Variants in PTPRD observed in about 807,000 individuals in gnomAD.
PTPRD encodes protein tyrosine phosphatase receptor type D, also known as receptor-type tyrosine-protein phosphatase delta.
A neutral mutation model predicts 214.5 loss-of-function variants in PTPRD; 34 were observed. That is an observed-to-expected ratio of 0.16 (90% CI 0.12 to 0.21). The LOEUF (loss-of-function observed/expected upper bound fraction) is 0.21, where lower values mean the gene tolerates loss of function less well. Ranked by LOEUF, PTPRD falls within the 10% of genes least tolerant of loss-of-function variation. The pLI, the probability that PTPRD is intolerant of heterozygous loss-of-function variation, is 1.00. For synonymous variants in PTPRD, 1,128 were observed against 845.7 expected, an observed-to-expected ratio of 1.33 and a Z score of -5.79; for missense variants, 2,545 against 2,398.7, an observed-to-expected ratio of 1.06 and a Z score of -1.27.
chr9:10,032,000 C>T (rs898743079), intron 4 of PTPRD, among the ~76,000 whole-genome samples: 2 of 152,076 alleles, frequency 1.3e-5, no homozygotes, highest in Non-Finnish European at 2.9e-5. Context: ...GCTGCCTAGT[C>T]TGGAATGTCT....
intron 3 of PTPRD, among the ~76,000 whole-genome samples, chr9:10,079,873 A>G (rs1194049031): frequency 6.6e-6 from 1 of 152,110 alleles, no homozygotes; most frequent in Non-Finnish European, 1.5e-5. Flanking sequence ...GTTTGCTATG[A>G]ATAATTGTCA....
chr9:10,243,281 T>C (rs1174644174), intron 3 of PTPRD, among the ~76,000 whole-genome samples: 5 of 152,030 alleles, frequency 3.3e-5, no homozygotes, highest in Non-Finnish European at 7.4e-5. Flanking sequence ...TTTGTAAGCA[T>C]TTGGCCACAG....
At chr9:9,548,674 A>G (rs911148705) in intron 8 of PTPRD, among the ~76,000 whole-genome samples, 2 of 147,142 alleles carry the variant, frequency 1.4e-5, no homozygotes, top group East Asian at 3.9e-4. Flanking sequence ...AAAGTATGAT[A>G]AAAAACGATG....
intron 3 of PTPRD, among the ~76,000 whole-genome samples, chr9:10,252,349 G>A (rs1040009533): frequency 6.6e-6 from 1 of 152,034 alleles, no homozygotes; most frequent in Non-Finnish European, 1.5e-5. Flanking sequence ...TCACCATGCT[G>A]TGAGTAATCA....
At chr9:10,136,639 G>A (rs2098946358) in intron 3 of PTPRD, among the ~76,000 whole-genome samples, 1 of 85,396 alleles carries the variant, frequency 1.2e-5, no homozygotes, top group African/African-American at 5.1e-5. Flanking sequence ...CATAGGCGTG[G>A]GCAAGGACTT....
chr9:10,431,985 C>T (rs568929814), intron 2 of PTPRD, among the ~76,000 whole-genome samples: 76 of 151,962 alleles, frequency 5.0e-4, no homozygotes, highest in African/African-American at 1.6e-3. Flanking sequence ...CACATGCACA[C>T]GTATGTTTAT....
At chr9:8,717,905 A>G (rs1428671270) in intron 12 of PTPRD, among the ~76,000 whole-genome samples, 5 of 152,220 alleles carry the variant, frequency 3.3e-5, no homozygotes, top group Non-Finnish European at 4.4e-5. Context: ...TCCTGTGCAT[A>G]TATCTACCTC....
intron 9 of PTPRD, among the ~76,000 whole-genome samples, chr9:9,251,516 C>T (rs542323770): frequency 8.5e-5 from 13 of 152,118 alleles, no homozygotes; most frequent in African/African-American, 2.9e-4. Flanking sequence ...TAAAAGCCGG[C>T]TCAAGGGTGT....
intron 11 of PTPRD, among the ~76,000 whole-genome samples, chr9:8,819,607 G>C (rs944955112): frequency 6.6e-6 from 1 of 152,146 alleles, no homozygotes; most frequent in African/African-American, 2.4e-5. Flanking sequence ...GTTGCAGTGA[G>C]CCAAGATTGA....
At chr9:8,660,698 G>A (rs757960290) in intron 12 of PTPRD, among the ~76,000 whole-genome samples, 6 of 152,054 alleles carry the variant, frequency 3.9e-5, no homozygotes, top group Non-Finnish European at 5.9e-5. Context: ...CTCTGCATTT[G>A]GTCCTGCTAA....
chr9:9,784,007 C>A (rs925233050), intron 5 of PTPRD, among the ~76,000 whole-genome samples: 1 of 151,880 alleles, frequency 6.6e-6, no homozygotes, highest in Non-Finnish European at 1.5e-5. Flanking sequence ...CATGATAAAG[C>A]TGAACAATAA....
At chr9:8,767,737 A>G (rs1276668255) in intron 11 of PTPRD, among the ~76,000 whole-genome samples, 12 of 152,188 alleles carry the variant, frequency 7.9e-5, no homozygotes, top group Admixed American at 7.9e-4. Context: ...ATACTCCACA[A>G]TAATTAAGTC....
chr9:9,672,160 C>A (rs2096843985), intron 7 of PTPRD, among the ~76,000 whole-genome samples: 1 of 152,040 alleles, frequency 6.6e-6, no homozygotes, highest in Non-Finnish European at 1.5e-5. Flanking sequence ...ATTATTTTTT[C>A]ACTATGTAAA....
intron 11 of PTPRD, among the ~76,000 whole-genome samples, chr9:9,017,504 C>T (rs79572326): frequency 0.03 from 4,557 of 152,208 alleles, 72 homozygotes; most frequent in East Asian, 0.059. Flanking sequence ...TTAACATATG[C>T]TTTCCGCAGA....
chr9:9,519,544 T>C (rs2096915777), intron 8 of PTPRD, among the ~76,000 whole-genome samples: 1 of 151,868 alleles, frequency 6.6e-6, no homozygotes, highest in Admixed American at 6.6e-5. Context: ...TTAAAAAGAA[T>C]ACAAAAGGAT....
chr9:9,387,162 C>CA (rs551257867), intron 9 of PTPRD, among the ~76,000 whole-genome samples: 82 of 152,294 alleles, frequency 5.4e-4, no homozygotes, highest in African/African-American at 1.9e-3. Flanking sequence ...CACAGTACTT[C>CA]AGCTAGGGCA....
At chr9:8,633,823 GC>G (rs2096337617) in intron 13 of PTPRD, among the ~76,000 whole-genome samples, 1 of 152,010 alleles carries the variant, frequency 6.6e-6, no homozygotes, top group African/African-American at 2.4e-5. Context: ...TTCTCTCACA[GC>G]ACATATACGA....
intron 10 of PTPRD, among the ~76,000 whole-genome samples, chr9:9,070,702 A>G (rs1013701789): frequency 1.3e-5 from 2 of 152,216 alleles, no homozygotes; most frequent in African/African-American, 4.8e-5. Flanking sequence ...GCCTCATTTG[A>G]AGATCCTATA....
intron 10 of PTPRD, among the ~76,000 whole-genome samples, chr9:9,127,769 G>A (rs542715279): frequency 2.0e-5 from 3 of 152,122 alleles, no homozygotes; most frequent in Admixed American, 2.0e-4. Flanking sequence ...CCTCGGGAAA[G>A]AGTAAAGAAA....
Sources: allele counts gnomAD v4.1 joint callset (sites outside exome capture counted in the v4.1 genomes callset), GRCh38; gene constraint gnomAD v4.1.1; transcripts MANE v1.5; gene names NCBI Gene and HGNC (gene_info 2026-07-23, HGNC 2026-07-21).